Variants in TRPV1 observed in about 807,000 individuals in gnomAD.
TRPV1 encodes transient receptor potential cation channel subfamily V member 1, also known as OTRPC1.
A neutral mutation model predicts 82.3 loss-of-function variants in TRPV1; 82 were observed. The observed-to-expected ratio is 1.00, with a 90% CI of 0.83 to 1.20. TRPV1 has a LOEUF of 1.20. TRPV1 is among the 50% of genes most tolerant of loss of function. The probability of loss-of-function intolerance (pLI) is 0.00; values close to 1 mark genes in which losing one functional copy is unlikely to be tolerated. For synonymous variants in TRPV1, 515 were observed against 467.7 expected, an observed-to-expected ratio of 1.10 and a Z score of -1.30; for missense variants, 1,067 against 1,096.8, an observed-to-expected ratio of 0.97 and a Z score of 0.38.
intron 2 of TRPV1, among the ~76,000 whole-genome samples, chr17:3,605,184 G>T (rs1339048833): frequency 1.3e-5 from 2 of 152,088 alleles, no homozygotes; most frequent in Non-Finnish European, 2.9e-5. Context: ...ATCTCTCCAT[G>T]TGTGAAATGG....
intron 2 of TRPV1, among the ~76,000 whole-genome samples, chr17:3,607,876 A>C (rs559979170): frequency 2.6e-5 from 4 of 152,302 alleles, no homozygotes; most frequent in South Asian, 4.1e-4. Context: ...AATAAAAGTT[A>C]TCACACACTG....
chr17:3,585,844 T>C lies in TRPV1; in HGVS notation c.1307A>G (p.Tyr436Cys), dbSNP rs1555550578. 1 of 1,613,880 alleles carries C rather than the reference T, an allele frequency of 6.2e-7. No homozygotes were observed. The highest frequency in any genetic ancestry group is 1.7e-5 in the Admixed American group (1 of 60,014). The change falls in exon 9 of 17, where the codon TAC (tyrosine) becomes TGC (cysteine). Residue 436 changes from tyrosine (Y) to cysteine (C), a missense_variant. Physicochemically the swap from Tyr to Cys is radical, Grantham distance 194. Transcript: ENST00000572705. ...KWDRFVKRIFYFNFLVYCLYM... is the reference protein window; with the variant it reads ...KWDRFVKRIFCFNFLVYCLYM... ...CAGGCAGTAGACCAGGAAGTTGAAG[T>C]AGAAGATGCGCTTGACGAATCTGTC...
At chr17:3,595,510 C>G (rs144608662) in intron 2 of TRPV1, among the ~76,000 whole-genome samples, 1 of 152,174 alleles carries the variant, frequency 6.6e-6, no homozygotes, top group African/African-American at 2.4e-5. Context: ...AAGCACCTCT[C>G]GCTCAAACAA....
chr17:3,588,169 C>T lies in TRPV1; in HGVS notation c.1224+19G>A. On this transcript the variant is annotated intron_variant, in intron 8 of 16. Coordinates refer to ENST00000572705, the MANE Select transcript of TRPV1 (RefSeq NM_080704.4). ...GCAGAGGCCCTGAGGCCCTCCCTGG[C>T]TGTGCCCCAGCCACTCACAGGGGTC... 1.9e-6 allele frequency: 3 copies of T among 1,547,652 alleles called. No individual in the cohort carries two copies. Among genetic ancestry groups the T allele is most frequent in the South Asian group, 1.2e-5 (1 of 84,052 alleles).
chr17:3,585,461 T>C, intron 9 of TRPV1: 1 of 298,408 alleles, frequency 3.4e-6, no homozygotes, highest in South Asian at 4.6e-5. Context: ...CCTGCATGCT[T>C]TCTAACCGAG....
chr17:3,574,617 G>A (rs1485857800), intron 13 of TRPV1, among the ~76,000 whole-genome samples: 1 of 152,210 alleles, frequency 6.6e-6, no homozygotes, highest in Non-Finnish European at 1.5e-5. Flanking sequence ...GTAACTGTGG[G>A]ACTCGGATGA....
chr17:3,568,720 T>G (rs2074808446), intron 16 of TRPV1, among the ~76,000 whole-genome samples: 2 of 151,932 alleles, frequency 1.3e-5, no homozygotes, highest in African/African-American at 2.4e-5. Flanking sequence ...TAACACCAAC[T>G]TAGCAGCTAA....
At chr17:3,567,725 G>T (rs1367850089) in intron 16 of TRPV1, among the ~76,000 whole-genome samples, 1 of 151,636 alleles carries the variant, frequency 6.6e-6, no homozygotes, top group Non-Finnish European at 1.5e-5. Flanking sequence ...CAGGATCTGG[G>T]GTCCAGGCCC....
chr17:3,586,029 C>A (rs1382991910), intron 8 of TRPV1, 103 bp from the exon 9 acceptor site: 2 of 1,442,060 alleles, frequency 1.4e-6, no homozygotes, highest in Non-Finnish European at 1.9e-6. Context: ...CCCGCACAGT[C>A]CTCAGCCCAC....
intron 9 of TRPV1, chr17:3,585,176 G>C (rs932823221): frequency 6.6e-6 from 1 of 150,898 alleles, no homozygotes; most frequent in Admixed American, 6.6e-5. Context: ...TTGAGACAGA[G>C]TTTCACTCTT....
At chr17:3,606,681 G>T (rs1414415503) in intron 2 of TRPV1, among the ~76,000 whole-genome samples, 1 of 152,132 alleles carries the variant, frequency 6.6e-6, no homozygotes, top group Non-Finnish European at 1.5e-5. Flanking sequence ...CTAGACGGAG[G>T]CTCCAGGCCT....
rs542146750 is a variant in TRPV1, at chr17:3,589,815, T to G, written c.1036A>C (p.Lys346Gln). The G allele has an allele frequency of 6.2e-7, 1 of 1,611,906 alleles. No homozygotes were observed. Among genetic ancestry groups the G allele is most frequent in the Admixed American group, 1.7e-5 (1 of 59,954 alleles). The change falls in exon 7 of 17, where the codon AAG becomes CAG. Residue 346 changes from lysine to glutamine, a missense_variant. Physicochemically the swap from Lys to Gln is moderately conservative, Grantham distance 53. Coordinates refer to ENST00000572705, the MANE Select transcript of TRPV1 (RefSeq NM_080704.4). The part of the protein sequence containing the change: ...TPLALAAGTG[K>Q]IGVLAYILQR... ...CCGAAGCCCCCTCTTACCCCGATCT[T>G]CCCGGTCCCAGCTGCCAGAGCCAGC...
intron 2 of TRPV1, among the ~76,000 whole-genome samples, chr17:3,599,453 C>T (rs2075245855): frequency 6.6e-6 from 1 of 152,054 alleles, no homozygotes; most frequent in Non-Finnish European, 1.5e-5. Flanking sequence ...ACCCCAACCC[C>T]CTAACGACCA....
At chr17:3,576,360 A>G (rs543591518) in intron 13 of TRPV1, among the ~76,000 whole-genome samples, 1 of 152,168 alleles carries the variant, frequency 6.6e-6, no homozygotes, top group East Asian at 2.0e-4. Context: ...TCTATTAAAA[A>G]TATAACAACT....
intron 11 of TRPV1, 60 bp from the exon 12 acceptor site, chr17:3,577,823 GAAC>G: frequency 6.6e-7 from 1 of 1,518,394 alleles, no homozygotes; most frequent in Non-Finnish European, 8.9e-7. Flanking sequence ...GGCACCCCCA[GAAC>G]AAAAGGTCAC....
intron 6 of TRPV1, 21 bp from the exon 7 acceptor site, chr17:3,590,126 G>A: frequency 6.3e-7 from 1 of 1,594,628 alleles, no homozygotes; most frequent in South Asian, 1.1e-5. Context: ...ACAGGGCCCA[G>A]GTGGGCCTCA....
chr17:3,590,910 C>A, intron 5 of TRPV1, 54 bp downstream of exon 5: 1 of 1,509,722 alleles, frequency 6.6e-7, no homozygotes, highest in South Asian at 1.3e-5. Context: ...ACCATGCCCC[C>A]CTGCTTCCCG....
At chr17:3,573,411 C>T (rs1217513269) in intron 14 of TRPV1, among the ~76,000 whole-genome samples, 1 of 152,158 alleles carries the variant, frequency 6.6e-6, no homozygotes, top group Non-Finnish European at 1.5e-5. Flanking sequence ...GAGGGAGGTG[C>T]TGAGGCTGGA....
chr17:3,593,319 G>C (rs1488268046), intron 2 of TRPV1, among the ~76,000 whole-genome samples: 3 of 152,116 alleles, frequency 2.0e-5, no homozygotes, highest in African/African-American at 7.2e-5. Flanking sequence ...GGAACGTTTA[G>C]GCTTTAAGTG....
Sources: allele counts gnomAD v4.1 joint callset (sites outside exome capture counted in the v4.1 genomes callset), GRCh38; gene constraint gnomAD v4.1.1; transcripts MANE v1.5; gene names NCBI Gene and HGNC (gene_info 2026-07-23, HGNC 2026-07-21).